Variants in GALNT1 observed in about 807,000 individuals in gnomAD.
The protein encoded by GALNT1 is polypeptide N-acetylgalactosaminyltransferase 1, also known as GalNAc transferase 1.
GALNT1 carries 17 observed loss-of-function variants against 65.7 expected under a neutral mutation model. The observed-to-expected ratio is 0.26, with a 90% CI of 0.18 to 0.39. The LOEUF (loss-of-function observed/expected upper bound fraction) is 0.39. GALNT1 is among the 10% of genes least tolerant of loss of function. The probability of loss-of-function intolerance (pLI) is 1.00; values close to 1 mark genes in which losing one functional copy is unlikely to be tolerated. For synonymous variants in GALNT1, 210 were observed against 219.7 expected (o/e 0.96, Z 0.39); for missense variants, 460 against 672.8 (o/e 0.68, Z 3.50).
At chr18:35,677,996 A>G (rs181358177) in intron 4 of GALNT1, among the ~76,000 whole-genome samples, 4 of 152,184 alleles carry the variant, frequency 2.6e-5, no homozygotes, top group African/African-American at 9.7e-5. Flanking sequence ...TCAAAAAGAA[A>G]TAATGCTCTA....
At chr18:35,693,824 A>G (rs971064655) in intron 9 of GALNT1, among the ~76,000 whole-genome samples, 1 of 152,170 alleles carries the variant, frequency 6.6e-6, no homozygotes, top group Non-Finnish European at 1.5e-5. Context: ...TAAAGCCACA[A>G]AACTGTATGA....
intron 9 of GALNT1, among the ~76,000 whole-genome samples, chr18:35,699,882 A>G (rs914590222): frequency 1.3e-5 from 2 of 152,162 alleles, no homozygotes; most frequent in African/African-American, 4.8e-5. Context: ...TCCACATCTC[A>G]TTAGAAAGCT....
intron 1 of GALNT1, among the ~76,000 whole-genome samples, chr18:35,619,208 G>A (rs764351886): frequency 9.2e-5 from 14 of 151,946 alleles, no homozygotes; most frequent in Non-Finnish European, 1.5e-4. Flanking sequence ...TTTTTTCAAT[G>A]GTAACTAAAT....
At chr18:35,616,720 A>G (rs72958896) in intron 1 of GALNT1, among the ~76,000 whole-genome samples, 11,876 of 151,838 alleles carry the variant, frequency 0.078, 513 homozygotes, top group African/African-American at 0.11. Context: ...GTGTCACGTA[A>G]TCTTTCTCTG....
In GALNT1 at chr18:35,633,168, A is replaced by G. The variant is rs1184473620; in HGVS notation, c.-103-21392A>G. Among the ~76,000 whole-genome samples, 4 of 152,320 alleles carry G rather than the reference A, an allele frequency of 2.6e-5. No individual in the cohort carries two copies. In the East Asian group the frequency reaches 5.8e-4, roughly 22 times the overall value. ...TCAGGGATCTAGAACTAGAAGTACC[A>G]TTTGACCCAGCCATCCCATTACTTG... On this transcript the variant is annotated intron_variant, in intron 1 of 11. Transcript: ENST00000269195.
intron 1 of GALNT1, among the ~76,000 whole-genome samples, chr18:35,631,903 T>C (rs1028843456): frequency 2.0e-5 from 3 of 152,132 alleles, no homozygotes; most frequent in Admixed American, 6.5e-5. Flanking sequence ...AGCATTCTTA[T>C]ACACCAATAA....
chr18:35,634,994 C>G (rs1000423849), intron 1 of GALNT1, among the ~76,000 whole-genome samples: 1 of 152,140 alleles, frequency 6.6e-6, no homozygotes, highest in African/African-American at 2.4e-5. Context: ...CATATTATGG[C>G]AAACTAAATT....
rs779228924 is a variant in GALNT1 at position 35,683,421 on chromosome 18, T to C, written c.512T>C (p.Val171Ala). 6.2e-7 allele frequency: 1 copy of C among 1,613,526 alleles called. No homozygotes were observed. The highest frequency in any genetic ancestry group is 2.2e-5 in the East Asian group (1 of 44,862). ...TTGAAAAGGCCTTTAGAGAGTTATGTGAAAAAACTAAAAGTACCAGTTCAT... is the reference window on the plus strand; with the variant it reads ...TTGAAAAGGCCTTTAGAGAGTTATGCGAAAAAACTAAAAGTACCAGTTCAT... ...DFLKRPLESY[V>A]KKLKVPVHVI... is the part of the protein sequence containing the mutation. The change falls in exon 5 of 12, where the codon GTG (valine) becomes GCG (alanine). Residue 171 changes from valine (V) to alanine (A), a missense_variant. Transcript: ENST00000269195.
At chr18:35,699,580 G>GA (rs2048121515) in intron 9 of GALNT1, among the ~76,000 whole-genome samples, 1 of 152,218 alleles carries the variant, frequency 6.6e-6, no homozygotes, top group Non-Finnish European at 1.5e-5. Context: ...AAAATCCTCT[G>GA]AAGAGTGGGA....
In GALNT1 at chr18:35,692,052, A is replaced by G. The variant is rs2047972783; in HGVS notation, c.1160-129A>G. The G allele has an allele frequency of 1.4e-5, 10 of 707,850 alleles. No individual in the cohort carries two copies. The South Asian group carries it at 2.1e-4, about 15-fold the overall frequency. The allele number at this position is 707,850 out of a possible 1,614,324, so 43.8% of individuals were successfully genotyped here. ...CTTTTGGTGGATTCATGGTGTCTCC[A>G]CTTGTATAGTCACATATCACCCAGC... On this transcript the variant is annotated intron_variant, in intron 8 of 11. Transcript: ENST00000269195.
chr18:35,648,024 GAGA>G (rs71166076), intron 1 of GALNT1, among the ~76,000 whole-genome samples: 14,944 of 145,792 alleles, frequency 0.1, 877 homozygotes, highest in Admixed American at 0.16. Context: ...AAAACAAAAA[GAGA>G]AGAAGAAGAA....
intron 1 of GALNT1, among the ~76,000 whole-genome samples, chr18:35,644,988 CTCAAAATAAAT>C (rs2047210754): frequency 6.6e-6 from 1 of 151,808 alleles, no homozygotes; most frequent in African/African-American, 2.4e-5. Flanking sequence ...AAGACTCTGT[CTCAAAATAAAT>C]AAATAAGTAA....
intron 3 of GALNT1, among the ~76,000 whole-genome samples, chr18:35,670,107 T>C (rs952542316): frequency 4.6e-5 from 7 of 152,006 alleles, no homozygotes; most frequent in Non-Finnish European, 7.4e-5. Flanking sequence ...CTGAGCAACA[T>C]TGATGAGACC....
chr18:35,656,642 A>T (rs187081978), intron 2 of GALNT1, among the ~76,000 whole-genome samples: 2 of 152,368 alleles, frequency 1.3e-5, no homozygotes, highest in East Asian at 3.9e-4. Context: ...GCCATGTCAC[A>T]CAAGGCCTTT....
intron 1 of GALNT1, among the ~76,000 whole-genome samples, chr18:35,649,314 C>G (rs1054552238): frequency 1.3e-5 from 2 of 152,086 alleles, no homozygotes; most frequent in Non-Finnish European, 2.9e-5. Context: ...TTTTCATGTA[C>G]TCATTTGCCA....
intron 1 of GALNT1, among the ~76,000 whole-genome samples, chr18:35,599,599 G>A (rs2143940810): frequency 6.6e-6 from 1 of 152,256 alleles, no homozygotes; most frequent in Non-Finnish European, 1.5e-5. Flanking sequence ...CTGAGCTCAA[G>A]CAGTCTGCCC....
At chr18:35,698,154 C>T (rs753271371) in intron 9 of GALNT1, among the ~76,000 whole-genome samples, 5 of 152,172 alleles carry the variant, frequency 3.3e-5, no homozygotes, top group Non-Finnish European at 7.4e-5. Flanking sequence ...GCACATCTGA[C>T]GTGTCGGCTA....
chr18:35,663,574 GAATC>G, intron 2 of GALNT1, 50 bp from the exon 3 acceptor site: 1 of 1,520,984 alleles, frequency 6.6e-7, no homozygotes, highest in Non-Finnish European at 8.9e-7. Flanking sequence ...ATAGAATCAT[GAATC>G]AATCAATTGC....
intron 2 of GALNT1, chr18:35,659,883 G>C (rs2047451732): frequency 6.6e-6 from 1 of 152,150 alleles, no homozygotes; most frequent in Non-Finnish European, 1.5e-5. Context: ...CATGAAATTG[G>C]AAATTGACAA....
Sources: gnomAD v4.1 joint callset for allele counts (sites outside exome capture counted in the v4.1 genomes callset) on GRCh38, gnomAD v4.1.1 for gene constraint, MANE v1.5 for transcripts, NCBI Gene and HGNC (gene_info 2026-07-23, HGNC 2026-07-21) for gene names.